The following ZNF318 variants were observed in gnomAD, a reference collection of about 807,000 sequenced individuals.
ZNF318 encodes the protein zinc finger protein 318.
In ZNF318, 51 loss-of-function variants were observed where a neutral mutation model predicts 124.2. The ratio of observed to expected loss-of-function variants is 0.41; its 90% confidence interval spans 0.33 to 0.52. ZNF318 has a LOEUF of 0.52. Ranked by LOEUF, ZNF318 falls within the 20% of genes least tolerant of loss-of-function variation. The probability of loss-of-function intolerance (pLI) is 0.23; values close to 1 mark genes in which losing one functional copy is unlikely to be tolerated. For missense variants in ZNF318, 2,815 were observed against 2,811.2 expected, an observed-to-expected ratio of 1.00 and a Z score of -0.03; for synonymous variants, 1,090 against 1,040.7, an observed-to-expected ratio of 1.05 and a Z score of -0.91.
chr6:43,352,174 T>TCACCACCACCAC (rs1562132252), intron 5 of ZNF318, among the ~76,000 whole-genome samples: 1 of 151,590 alleles, frequency 6.6e-6, no homozygotes, highest in African/African-American at 2.4e-5. Flanking sequence ...ATCATCATCA[T>TCACCACCACCAC]CATCATCATC....
At chr6:43,346,430 G>A (rs1387302879) in intron 6 of ZNF318, among the ~76,000 whole-genome samples, 4 of 150,190 alleles carry the variant, frequency 2.7e-5, no homozygotes, top group African/African-American at 4.9e-5. Context: ...GCAATGAGCC[G>A]AGATTGCGCC....
In ZNF318 at chr6:43,369,270, G is replaced by T; in HGVS notation, c.96C>A (p.Ser32=). The part of the protein sequence containing the change: ...GPRSGRSSGS[S]SGPARRSSPP... ...GTGAGCTGCGGCGAGCCGGGCCTGA[G>T]GAGGAGCCAGAGCTGCGGCCGCTGC... The change falls in exon 1 of 10, where the codon TCC becomes TCA. Residue 32 remains serine (S), a synonymous_variant. Transcript: ENST00000361428. 7.6e-7 allele frequency: 1 copy of T among 1,310,228 alleles called. No homozygotes were observed. The highest frequency in any genetic ancestry group is 9.7e-7 in the Non-Finnish European group (1 of 1,026,640). 81.2% of individuals were successfully genotyped at this position (1,310,228 alleles called of 1,614,324 possible).
rs549275559 is a variant in ZNF318 at position 43,357,733 on chromosome 6, C to T, written c.581G>A (p.Arg194Gln). The change falls in exon 3 of 10, where the codon CGA becomes CAA. Residue 194 changes from arginine to glutamine, a missense_variant. By Grantham distance (43) the Arg-to-Gln change is conservative (BLOSUM62 1). This residue lies in a region of ZNF318 where 1,377 missense variants were observed against 1,353.5 expected (regional missense o/e 1.02). Coordinates refer to ENST00000361428, the MANE Select transcript of ZNF318 (RefSeq NM_014345.3). ...DDLTDDSVFT[R>Q]SSQCSRGLER... ...AAGACCCCGAGAGCACTGGGAGCTTCGAGTGAAGACAGAATCATCAGTCAG... is the reference window on the plus strand; with the variant it reads ...AAGACCCCGAGAGCACTGGGAGCTTTGAGTGAAGACAGAATCATCAGTCAG... The T allele has an allele frequency of 5.6e-6, 9 of 1,601,514 alleles. No homozygotes were observed. Among genetic ancestry groups the T allele is most frequent in the Admixed American group, 3.4e-5 (2 of 59,074 alleles).
chr6:43,354,526 T>G, intron 4 of ZNF318, 138 bp downstream of exon 4: 1 of 746,542 alleles, frequency 1.3e-6, no homozygotes, highest in South Asian at 1.8e-5. Context: ...AATATACACT[T>G]CTTAGGATGA....
At chr6:43,364,837 T>C (rs1779738086) in intron 2 of ZNF318, among the ~76,000 whole-genome samples, 1 of 152,236 alleles carries the variant, frequency 6.6e-6, no homozygotes, top group Non-Finnish European at 1.5e-5. Context: ...TACACACATA[T>C]ATTAGACATG....
Position 43,337,461 on chromosome 6 carries a change from G to T in ZNF318, c.6537C>A (p.Thr2179=). The part of the protein sequence containing the change: ...LPDLVDFVTR[T]SGVQKDKLCS... ...ACAGTTTATCTTTTTGAACTCCAGA[G>T]GTCCGTGTGACAAAGTCAACAAGGT... The change falls in exon 10 of 10, where the codon ACC becomes ACA. Residue 2179 remains threonine (T), a synonymous_variant. Transcript: ENST00000361428. 6.2e-7 allele frequency: 1 copy of T among 1,614,166 alleles called. No homozygotes were observed. The highest frequency in any genetic ancestry group is 8.5e-7 in the Non-Finnish European group (1 of 1,180,026).
rs966184246 is a variant in ZNF318 at position 43,355,299 on chromosome 6, T to G, written c.2035A>C (p.Arg679=). Residue 679 remains arginine, a synonymous_variant, in exon 4 of 10, where the codon AGG becomes CGG. Transcript: ENST00000361428. The part of the protein sequence containing the change: ...RSSDPHRLES[R]EAHHSNTHSP... ...TGGGTATTGCTATGATGTGCCTCCCTGCTCTCTAGTCTGTGGGGATCTGAG... is the reference window on the plus strand; with the variant it reads ...TGGGTATTGCTATGATGTGCCTCCCGGCTCTCTAGTCTGTGGGGATCTGAG... 2 of 1,614,214 alleles carry G rather than the reference T, an allele frequency of 1.2e-6. No individual in the cohort carries two copies. The highest frequency in any genetic ancestry group is 1.7e-6 in the Non-Finnish European group (2 of 1,180,028).
At position 43,364,177 on chromosome 6, in the gene ZNF318, C is replaced by T. The variant is rs188101799; in HGVS notation, c.548+1115G>A. On this transcript the variant is annotated intron_variant, in intron 2 of 9. Transcript: ENST00000361428. ...CCTACAGCTACCTGACCCCCGACCT[C>T]TGGAAGGAGACAGGATTCACCAAGT... is the stretch of plus-strand genomic sequence containing the variant. 742 of 922,594 alleles carry T rather than the reference C, an allele frequency of 8.0e-4. 1 individual carries two copies. The highest frequency in any genetic ancestry group is 2.9e-3 in the Admixed American group (133 of 46,006). The allele number at this position is 922,594 out of a possible 1,614,324, so 57.2% of individuals were successfully genotyped here. A position where few individuals can be genotyped will look rare whatever the true frequency, so the allele number is the denominator to read the frequency against.
At chr6:43,348,956 C>A (rs745760974) in intron 5 of ZNF318, among the ~76,000 whole-genome samples, 3 of 152,326 alleles carry the variant, frequency 2.0e-5, no homozygotes, top group Non-Finnish European at 2.9e-5. Flanking sequence ...ATTGCTTGAA[C>A]TCAGGGGGCG....
chr6:43,353,112 A>G (rs144633232), intron 4 of ZNF318, among the ~76,000 whole-genome samples: 7 of 152,324 alleles, frequency 4.6e-5, no homozygotes, highest in African/African-American at 1.7e-4. Flanking sequence ...AGACCTATGT[A>G]TTATCAGCGC....
At chr6:43,341,007 C>T (rs1026224817) in intron 8 of ZNF318, 99 bp from the exon 9 acceptor site, 3 of 881,652 alleles carry the variant, frequency 3.4e-6, no homozygotes, top group Non-Finnish European at 5.6e-6. Flanking sequence ...AAAATGGTTA[C>T]AGTATAGAGG....
At chr6:43,342,288 A>G (rs1581639948) in intron 7 of ZNF318, 77 bp from the exon 8 acceptor site, 1 of 1,211,982 alleles carries the variant, frequency 8.3e-7, no homozygotes, top group Non-Finnish European at 1.1e-6. Context: ...TTTTTCCCCC[A>G]TAATAAGACC....
intron 1 of ZNF318, among the ~76,000 whole-genome samples, chr6:43,366,055 ATTC>A (rs779642191): frequency 2.0e-5 from 3 of 152,144 alleles, no homozygotes; most frequent in Non-Finnish European, 4.4e-5. Context: ...GAAAAAAAAA[ATTC>A]TTCTGGTAAG....
chr6:43,359,425 CTGATTTAAATCACAGATAGAA>C (rs1779652422), intron 2 of ZNF318, among the ~76,000 whole-genome samples: 1 of 152,156 alleles, frequency 6.6e-6, no homozygotes, highest in African/African-American at 2.4e-5. Flanking sequence ...ACTAAAGTTT[CTGATTTAAATCACAGATAGAA>C]ATAAAGATCC....
chr6:43,355,370 T>C lies in ZNF318; in HGVS notation c.1964A>G (p.Asp655Gly). The C allele has an allele frequency of 1.2e-6, 2 of 1,614,106 alleles. No individual in the cohort carries two copies. The highest frequency in any genetic ancestry group is 1.7e-6 in the Non-Finnish European group (2 of 1,179,996). Reference protein sequence around the residue: ...CSSVDHRFSADRCSSVDHCFS... With the variant: ...CSSVDHRFSAGRCSSVDHCFS... ...GCAGTGGTCAACTGAGGAACAGCGG[T>C]CAGCTGAGAAGCGGTGGTCAACTGA... The change falls in exon 4 of 10, where the codon GAC becomes GGC. Residue 655 changes from aspartate to glycine, a missense_variant. Physicochemically the swap from Asp to Gly is moderately conservative, Grantham distance 94. Around this residue, in one of 4 missense-constraint regions of ZNF318, gnomAD observed 1,377 missense variants for 1,353.5 expected, o/e 1.02. Coordinates refer to ENST00000361428, the MANE Select transcript of ZNF318 (RefSeq NM_014345.3).
intron 2 of ZNF318, among the ~76,000 whole-genome samples, chr6:43,362,036 G>A (rs1250889652): frequency 6.6e-6 from 1 of 152,114 alleles, no homozygotes; most frequent in Non-Finnish European, 1.5e-5. Flanking sequence ...GTGTGTGCCT[G>A]TATTCCTAGC....
chr6:43,346,441 A>T (rs1358369481), intron 6 of ZNF318, among the ~76,000 whole-genome samples: 1 of 150,206 alleles, frequency 6.7e-6, no homozygotes, highest in African/African-American at 2.5e-5. Context: ...AGATTGCGCC[A>T]CTGCACTCCA....
chr6:43,363,061 CAT>C (rs1216891986), intron 2 of ZNF318, among the ~76,000 whole-genome samples: 2 of 152,158 alleles, frequency 1.3e-5, no homozygotes, highest in South Asian at 2.1e-4. Context: ...CTCTGAAACA[CAT>C]GATTCTACAA....
At chr6:43,365,218 A>G (rs1278343349) in intron 2 of ZNF318, 74 bp downstream of exon 2, 3 of 1,505,542 alleles carry the variant, frequency 2.0e-6, no homozygotes, top group Non-Finnish European at 2.7e-6. Context: ...CCTTTCAAAT[A>G]TATCATTCGG....
Sources: allele counts gnomAD v4.1 joint callset (sites outside exome capture counted in the v4.1 genomes callset), GRCh38; gene constraint gnomAD v4.1.1; regional missense constraint gnomAD v4.1.1; transcripts MANE v1.5; gene names NCBI Gene and HGNC (gene_info 2026-07-23, HGNC 2026-07-21).